Variants in CCDC85C observed in about 807,000 individuals in gnomAD.
CCDC85C encodes coiled-coil domain-containing protein 85C.
In CCDC85C, 18 loss-of-function variants were observed where a neutral mutation model predicts 38.3. That is an observed-to-expected ratio of 0.47 (90% confidence interval 0.33 to 0.70). The LOEUF (loss-of-function observed/expected upper bound fraction) is 0.70. Ranked by LOEUF, CCDC85C falls within the 30% of genes least tolerant of loss-of-function variation. CCDC85C has a pLI of 0.03. For synonymous variants in CCDC85C, 264 were observed against 293.8 expected, an observed-to-expected ratio of 0.90 and a Z score of 1.04; for missense variants, 566 against 621.2, an observed-to-expected ratio of 0.91 and a Z score of 0.94.
At position 99,603,414 on chromosome 14, in the gene CCDC85C, G is replaced by A. The variant is rs1344943556; in HGVS notation, c.546C>T (p.Ser182=). The change falls in exon 1 of 6, where the codon AGC becomes AGT. Residue 182 remains serine, a synonymous_variant. Coordinates refer to ENST00000380243, the MANE Select transcript of CCDC85C (RefSeq NM_001144995.2). The surrounding 1 kb of genome is among the most constrained non-coding windows in gnomAD (Gnocchi z 7.5). ...ACAGCGGCCCGCTCAGGCTGGCCTG[G>A]CTGTCGATGGAGCTGCGGGAGCCGG... ...GGAGSRSSID[S]QASLSGPLSG... The A allele has an allele frequency of 7.9e-7, 1 of 1,268,872 alleles. No individual in the cohort carries two copies. Among genetic ancestry groups the A allele is most frequent in the Non-Finnish European group, 9.9e-7 (1 of 1,011,906 alleles). 78.6% of individuals were successfully genotyped at this position (1,268,872 alleles called of 1,614,324 possible).
intron 1 of CCDC85C, among the ~76,000 whole-genome samples, chr14:99,586,917 G>C (rs900140112): frequency 5.3e-5 from 8 of 152,172 alleles, no homozygotes; most frequent in Non-Finnish European, 7.4e-5. Context: ...AGCCAAGCCC[G>C]CAGCCACGGG....
At chr14:99,599,920 A>G (rs528338674) in intron 1 of CCDC85C, among the ~76,000 whole-genome samples, 3 of 152,322 alleles carry the variant, frequency 2.0e-5, no homozygotes, top group East Asian at 1.9e-4. Flanking sequence ...AGAAAAGCCT[A>G]TTTGCATGTA....
At position 99,599,539 on chromosome 14, in the gene CCDC85C, A is replaced by T. The variant is rs1280601473; in HGVS notation, c.793+3628T>A. On this transcript the variant is annotated intron_variant, in intron 1 of 5. Coordinates refer to ENST00000380243, the MANE Select transcript of CCDC85C (RefSeq NM_001144995.2). ...TACCTGTCTCAGTGTGCCACACTGG[A>T]CTAGAGCAACGCACAGCCCAGTCCC... 3.3e-5 allele frequency among the ~76,000 whole-genome samples: 5 copies of T among 152,250 alleles called. 1 individual carries two copies. The South Asian group carries it at 1.0e-3, about 32-fold the overall frequency.
chr14:99,538,298 C>A (rs1897645164), intron 1 of CCDC85C, among the ~76,000 whole-genome samples: 1 of 152,252 alleles, frequency 6.6e-6, no homozygotes, highest in Admixed American at 6.5e-5. Context: ...TCTGGCCACC[C>A]TGGGCAGAGC....
intron 1 of CCDC85C, among the ~76,000 whole-genome samples, chr14:99,589,284 GAC>G (rs2055060376): frequency 6.6e-6 from 1 of 152,148 alleles, no homozygotes; most frequent in African/African-American, 2.4e-5. Flanking sequence ...CCAGACAACA[GAC>G]ACAGCCAGGA....
chr14:99,599,333 G>A (rs932839429), intron 1 of CCDC85C, among the ~76,000 whole-genome samples: 9 of 152,154 alleles, frequency 5.9e-5, no homozygotes, highest in African/African-American at 2.2e-4. Context: ...AGTGGACCGT[G>A]GAGGAGCAGG....
chr14:99,575,081 G>C (rs1388774354), intron 1 of CCDC85C, among the ~76,000 whole-genome samples: 1 of 152,216 alleles, frequency 6.6e-6, no homozygotes, highest in East Asian at 1.9e-4. Context: ...AACGGGGCTT[G>C]GTCCCAGCCT....
intron 2 of CCDC85C, among the ~76,000 whole-genome samples, chr14:99,532,025 C>T (rs1207116855): frequency 6.6e-6 from 1 of 152,224 alleles, no homozygotes; most frequent in Non-Finnish European, 1.5e-5. Flanking sequence ...CAGCCACAGG[C>T]TCCCCAAGAC....
chr14:99,563,248 C>T (rs1198177212), intron 1 of CCDC85C, among the ~76,000 whole-genome samples: 1 of 152,270 alleles, frequency 6.6e-6, no homozygotes, highest in Non-Finnish European at 1.5e-5. Context: ...CTCCCTCCTG[C>T]TTCTCCGTCC....
In CCDC85C at chr14:99,513,559, C is replaced by T; in HGVS notation, c.*1687G>A. The T allele has an allele frequency of 6.6e-6, 1 of 152,434 alleles. No individual in the cohort carries two copies. The highest frequency in any genetic ancestry group is 1.5e-5 in the Non-Finnish European group (1 of 68,108). 9.4% of individuals were successfully genotyped at this position (152,434 alleles called of 1,614,324 possible). ...GGGGCGTGAGCCTTTCCCCTGAGAG[C>T]AAACGGGCAGCAAGAACTGCTCAGA... On this transcript the variant is annotated 3_prime_UTR_variant, in exon 6 of 6. Coordinates refer to ENST00000380243, the MANE Select transcript of CCDC85C (RefSeq NM_001144995.2).
intron 1 of CCDC85C, among the ~76,000 whole-genome samples, chr14:99,580,586 C>T (rs2054957745): frequency 6.6e-6 from 1 of 151,928 alleles, no homozygotes; most frequent in South Asian, 2.1e-4. Context: ...CACTCATGGC[C>T]GGGCATGGTG....
chr14:99,571,290 C>T (rs985834349), intron 1 of CCDC85C, among the ~76,000 whole-genome samples: 16 of 152,134 alleles, frequency 1.1e-4, no homozygotes, highest in African/African-American at 3.9e-4. Flanking sequence ...CTCGCCAAGG[C>T]CTGCCTGCCA....
chr14:99,595,293 T>C (rs912224950), intron 1 of CCDC85C, among the ~76,000 whole-genome samples: 1 of 152,244 alleles, frequency 6.6e-6, no homozygotes. Context: ...TCTTGCTCTG[T>C]GGCCCAGGCT....
At position 99,508,847 on chromosome 14, in the gene CCDC85C, C is replaced by T; in HGVS notation, c.*6399G>A. On this transcript the variant is annotated 3_prime_UTR_variant, in exon 6 of 6. Transcript: ENST00000380243. ...AAGGTGGAGGAGCAGGCCTGTGGGCCCAGGTGGCTGTGGAGTGACACACAG... is the reference window on the plus strand; with the variant it reads ...AAGGTGGAGGAGCAGGCCTGTGGGCTCAGGTGGCTGTGGAGTGACACACAG... The T allele has an allele frequency of 6.6e-6, 1 of 152,488 alleles. No individual in the cohort carries two copies. 9.4% of individuals were successfully genotyped at this position (152,488 alleles called of 1,614,324 possible). A position where few individuals can be genotyped will look rare whatever the true frequency, so the allele number is the denominator to read the frequency against.
intron 1 of CCDC85C, among the ~76,000 whole-genome samples, chr14:99,574,047 T>C (rs1898416968): frequency 6.6e-6 from 1 of 152,262 alleles, no homozygotes; most frequent in South Asian, 2.1e-4. Context: ...TGATGGAATG[T>C]CCTAATTGAC....
intron 1 of CCDC85C, among the ~76,000 whole-genome samples, chr14:99,560,920 G>A (rs1566774215): frequency 6.6e-6 from 1 of 152,214 alleles, no homozygotes; most frequent in East Asian, 1.9e-4. Flanking sequence ...GCTCCCACAA[G>A]GCCTCCACCC....
rs982402997 is a variant in CCDC85C, at chr14:99,603,074, G to A, written c.793+93C>T. ...GGAGTCTGGAGTGGCGGCCGCATGAGTGGGACAGCCAGGGACCACCTCCTC... is the reference window on the plus strand; with the variant it reads ...GGAGTCTGGAGTGGCGGCCGCATGAATGGGACAGCCAGGGACCACCTCCTC... On this transcript the variant is annotated intron_variant, in intron 1 of 5. Transcript: ENST00000380243. The surrounding 1 kb of genome is among the most constrained non-coding windows in gnomAD (Gnocchi z 7.5). The A allele has an allele frequency of 7.2e-6, 9 of 1,255,518 alleles. No homozygotes were observed. The Admixed American group carries it at 2.9e-4, about 41-fold the overall frequency. 77.8% of individuals were successfully genotyped at this position (1,255,518 alleles called of 1,614,324 possible). A position where few individuals can be genotyped will look rare whatever the true frequency, so the allele number is the denominator to read the frequency against.
chr14:99,536,719 G>A (rs944785990), intron 1 of CCDC85C, among the ~76,000 whole-genome samples: 2 of 152,208 alleles, frequency 1.3e-5, no homozygotes, highest in Non-Finnish European at 2.9e-5. Context: ...GAACACCCTG[G>A]TCATGTGTCC....
intron 1 of CCDC85C, among the ~76,000 whole-genome samples, chr14:99,584,783 A>G (rs2055009668): frequency 1.3e-5 from 2 of 152,340 alleles, no homozygotes; most frequent in South Asian, 4.1e-4. Context: ...CGGGGGAAAA[A>G]TCACACTCCA....
Sources: gnomAD v4.1 joint callset for allele counts (sites outside exome capture counted in the v4.1 genomes callset) on GRCh38, gnomAD v4.1.1 for gene constraint, Gnocchi (gnomAD v3.1) non-coding constraint, MANE v1.5 for transcripts, NCBI Gene and HGNC (gene_info 2026-07-23, HGNC 2026-07-21) for gene names.